Variants in SGPP1 observed in about 807,000 individuals in gnomAD.
SGPP1 encodes sphingosine-1-phosphate phosphatase 1.
Under a neutral mutation model 33.0 loss-of-function variants are expected in SGPP1, and 21 were observed. The ratio of observed to expected loss-of-function variants is 0.64; its 90% CI spans 0.45 to 0.92. The LOEUF (loss-of-function observed/expected upper bound fraction) is 0.92. SGPP1 is among the 40% of genes least tolerant of loss of function. SGPP1 has a pLI of 0.00. For missense variants in SGPP1, 543 were observed against 589.4 expected (o/e 0.92, Z 0.81); for synonymous variants, 239 against 241.2 (o/e 0.99, Z 0.08).
chr14:63,717,343 C>A (rs1885655066), intron 1 of SGPP1, among the ~76,000 whole-genome samples: 1 of 146,852 alleles, frequency 6.8e-6, no homozygotes. Context: ...GAGACGGAGT[C>A]TCACTCTGTC....
At chr14:63,724,309 T>C (rs1885832120) in intron 1 of SGPP1, among the ~76,000 whole-genome samples, 1 of 152,002 alleles carries the variant, frequency 6.6e-6, no homozygotes, top group Admixed American at 6.6e-5. Context: ...AGTAGTGAAG[T>C]AGTAAAGCCA....
At chr14:63,725,934 T>TA (rs1169072465) in intron 1 of SGPP1, among the ~76,000 whole-genome samples, 2 of 152,196 alleles carry the variant, frequency 1.3e-5, no homozygotes, top group Non-Finnish European at 2.9e-5. Context: ...ATATTTAGAT[T>TA]AAATGAAAAC....
At chr14:63,722,162 G>T (rs1045329162) in intron 1 of SGPP1, among the ~76,000 whole-genome samples, 1 of 152,006 alleles carries the variant, frequency 6.6e-6, no homozygotes, top group Non-Finnish European at 1.5e-5. Flanking sequence ...GAACATTGGG[G>T]TATTATAGAA....
At chr14:63,694,392 T>TA (rs1183186770) in intron 2 of SGPP1, among the ~76,000 whole-genome samples, 1 of 152,150 alleles carries the variant, frequency 6.6e-6, no homozygotes, top group Non-Finnish European at 1.5e-5. Context: ...TCAATTGACA[T>TA]AAAAAATCCA....
At chr14:63,696,466 G>A (rs1885187853) in intron 2 of SGPP1, among the ~76,000 whole-genome samples, 1 of 152,112 alleles carries the variant, frequency 6.6e-6, no homozygotes, top group South Asian at 2.1e-4. Flanking sequence ...AGTTTTTTCA[G>A]AAGTAGTGAT....
chr14:63,717,762 A>C (rs1162240144), intron 1 of SGPP1, among the ~76,000 whole-genome samples: 2 of 152,246 alleles, frequency 1.3e-5, no homozygotes, highest in African/African-American at 2.4e-5. Flanking sequence ...AAGCAGAAGA[A>C]ATACAAAGAA....
At chr14:63,713,732 C>T (rs1207062387) in intron 1 of SGPP1, among the ~76,000 whole-genome samples, 1 of 152,160 alleles carries the variant, frequency 6.6e-6, no homozygotes, top group African/African-American at 2.4e-5. Flanking sequence ...ATTGTCTTTA[C>T]ATGGAAATTA....
At chr14:63,693,640 A>C (rs897268534) in intron 2 of SGPP1, among the ~76,000 whole-genome samples, 1 of 152,008 alleles carries the variant, frequency 6.6e-6, no homozygotes, top group Non-Finnish European at 1.5e-5. Flanking sequence ...TTTAGATAGG[A>C]TCTTGCTCTG....
chr14:63,690,393 C>T (rs1471079381), intron 2 of SGPP1, among the ~76,000 whole-genome samples: 4 of 152,142 alleles, frequency 2.6e-5, no homozygotes, highest in Non-Finnish European at 5.9e-5. Flanking sequence ...ATGACAGGGT[C>T]CGCAGTTGCA....
At chr14:63,706,594 CAAAGTA>C (rs1885412508) in intron 1 of SGPP1, among the ~76,000 whole-genome samples, 1 of 152,100 alleles carries the variant, frequency 6.6e-6, no homozygotes, top group Non-Finnish European at 1.5e-5. Flanking sequence ...ACTTGTTGAA[CAAAGTA>C]AACATAAGCC....
At chr14:63,721,271 C>T (rs1313116862) in intron 1 of SGPP1, among the ~76,000 whole-genome samples, 4 of 152,118 alleles carry the variant, frequency 2.6e-5, no homozygotes, top group African/African-American at 4.8e-5. Flanking sequence ...CAGAGCAAGA[C>T]GCCATCTCAA....
intron 1 of SGPP1, among the ~76,000 whole-genome samples, chr14:63,725,855 A>G (rs1450463578): frequency 1.3e-5 from 2 of 152,236 alleles, no homozygotes; most frequent in Non-Finnish European, 1.5e-5. Context: ...GTCTCACGAA[A>G]ATAAGAGAAA....
At chr14:63,694,766 G>A (rs1885155357) in intron 2 of SGPP1, among the ~76,000 whole-genome samples, 1 of 152,106 alleles carries the variant, frequency 6.6e-6, no homozygotes, top group Admixed American at 6.6e-5. Context: ...AGAGCTCAAA[G>A]TAGCAAATTT....
chr14:63,698,642 C>A lies in SGPP1; in HGVS notation c.701G>T (p.Gly234Val), dbSNP rs1885236705. The A allele has an allele frequency of 1.3e-6, 2 of 1,597,464 alleles. No homozygotes were observed. Among genetic ancestry groups the A allele is most frequent in the Admixed American group, 1.7e-5 (1 of 57,716 alleles). The change falls in exon 2 of 3, where the codon GGA becomes GTA. Residue 234 changes from glycine (G) to valine (V), a missense_variant. Physicochemically the swap from Gly to Val is moderately radical, Grantham distance 109. Coordinates refer to ENST00000247225, the MANE Select transcript of SGPP1 (RefSeq NM_030791.4). The part of the protein sequence containing the change: ...YGRWQYPLIY[G>V]LILIPCWCSL... ...ACACCAGCAGGGAATAAGAATCAGT[C>A]CATATATAAGAGGGTACTAAAGGGG...
Position 63,708,553 on chromosome 14 carries a change from T to C in SGPP1, c.685-9895A>G, listed in dbSNP as rs192027749. 2.0e-3 allele frequency among the ~76,000 whole-genome samples: 299 copies of C among 152,182 alleles called. 2 individuals are homozygous for C. The highest frequency in any genetic ancestry group is 3.9e-3 in the Admixed American group (60 of 15,276). ...TGCTGGGATTACAGGCATGAGCCACTGTGCCCAGCCAGCAATCCTTTATTT... is the reference window on the plus strand; with the variant it reads ...TGCTGGGATTACAGGCATGAGCCACCGTGCCCAGCCAGCAATCCTTTATTT... On this transcript the variant is annotated intron_variant, in intron 1 of 2. Coordinates refer to ENST00000247225, the MANE Select transcript of SGPP1 (RefSeq NM_030791.4).
At chr14:63,713,797 A>G (rs558002666) in intron 1 of SGPP1, among the ~76,000 whole-genome samples, 1 of 152,342 alleles carries the variant, frequency 6.6e-6, no homozygotes, top group East Asian at 1.9e-4. Context: ...TTGTGGACTT[A>G]ATTTTAGGTG....
At position 63,685,196 on chromosome 14, in the gene SGPP1, TAAATAA is replaced by T. The variant is rs1228266510; in HGVS notation, c.*903_*908del. ...GTTTAGCCCATTCCACATTTCTTTC[TAAATAA>T]AGGCTAAAGAGTTAAGGGTAATTTA... On this transcript the variant is annotated 3_prime_UTR_variant, in exon 3 of 3. Coordinates refer to ENST00000247225, the MANE Select transcript of SGPP1 (RefSeq NM_030791.4). 1 of 152,470 alleles carries T rather than the reference TAAATAA, an allele frequency of 6.6e-6. No individual in the cohort carries two copies. Among genetic ancestry groups the T allele is most frequent in the Non-Finnish European group, 1.5e-5 (1 of 67,926 alleles). 9.4% of individuals were successfully genotyped at this position (152,470 alleles called of 1,614,324 possible).
At chr14:63,715,936 A>G (rs751158753) in intron 1 of SGPP1, among the ~76,000 whole-genome samples, 2 of 152,250 alleles carry the variant, frequency 1.3e-5, no homozygotes, top group East Asian at 3.8e-4. Flanking sequence ...GAAGGTTATC[A>G]TGTAAGTAGT....
Position 63,718,998 on chromosome 14 carries a change from ATATATATATATATATATTTTTTTT to A in SGPP1, c.684+8239_684+8262del, listed in dbSNP as rs1442065674. Among the ~76,000 whole-genome samples the A allele has an allele frequency of 2.6e-3, 54 of 21,078 alleles. 1 individual carries two copies. The highest frequency in any genetic ancestry group is 0.012 in the African/African-American group (50 of 4,240). The allele number at this position is 21,078 out of a possible 152,430, so 13.8% of individuals were successfully genotyped here. A position where few individuals can be genotyped will look rare whatever the true frequency, so the allele number is the denominator to read the frequency against. On this transcript the variant is annotated intron_variant, in intron 1 of 2. Transcript: ENST00000247225. The stretch of plus-strand genomic sequence containing the variant: ...TATACATATATATATATATATATAT[ATATATATATATATATATTTTTTTT>A]TTTTTTTTTTTTTTTTTTTTTTGAC...
Sources: allele counts gnomAD v4.1 joint callset (sites outside exome capture counted in the v4.1 genomes callset), GRCh38; gene constraint gnomAD v4.1.1; transcripts MANE v1.5; gene names NCBI Gene and HGNC (gene_info 2026-07-23, HGNC 2026-07-21).